Variants in PRKD3 observed in about 807,000 individuals in gnomAD.
PRKD3 encodes the protein serine/threonine-protein kinase D3.
Under a neutral mutation model 99.2 loss-of-function variants are expected in PRKD3, and 47 were observed. The observed-to-expected ratio is 0.47, with a 90% CI of 0.38 to 0.60. The LOEUF (loss-of-function observed/expected upper bound fraction) is 0.60. PRKD3 is among the 20% of genes least tolerant of loss of function. The probability of loss-of-function intolerance (pLI) is 0.00; values close to 1 mark genes in which losing one functional copy is unlikely to be tolerated. For missense variants in PRKD3, 1,019 were observed against 1,088.4 expected (o/e 0.94, Z 0.90); for synonymous variants, 392 against 355.4 (o/e 1.10, Z -1.16).
chr2:37,291,023 A>G, intron 3 of PRKD3, 24 bp from the exon 4 acceptor site: 1 of 1,583,492 alleles, frequency 6.3e-7, no homozygotes. Context: ...AAGTATTACA[A>G]TACACGTTGT....
At chr2:37,257,209 T>G (rs1668021648) in intron 16 of PRKD3, among the ~76,000 whole-genome samples, 1 of 152,180 alleles carries the variant, frequency 6.6e-6, no homozygotes, top group Non-Finnish European at 1.5e-5. Flanking sequence ...GTGTTATAAG[T>G]GTTCTGATTT....
chr2:37,319,156 TA>T (rs1269342963), intron 1 of PRKD3, among the ~76,000 whole-genome samples: 1 of 152,184 alleles, frequency 6.6e-6, no homozygotes, highest in African/African-American at 2.4e-5. Flanking sequence ...GTTTAGAGAT[TA>T]AAGTACTTGC....
At chr2:37,291,531 G>C (rs2124841012) in intron 3 of PRKD3, among the ~76,000 whole-genome samples, 1 of 152,280 alleles carries the variant, frequency 6.6e-6, no homozygotes, top group African/African-American at 2.4e-5. Flanking sequence ...ACCTCAACCT[G>C]CAAGTAGTCT....
chr2:37,288,998 G>A (rs894636728), intron 5 of PRKD3, among the ~76,000 whole-genome samples: 3 of 151,538 alleles, frequency 2.0e-5, no homozygotes, highest in Non-Finnish European at 4.4e-5. Flanking sequence ...AGGTTGCAGT[G>A]AGCAGAGACC....
intron 1 of PRKD3, among the ~76,000 whole-genome samples, chr2:37,322,452 C>T (rs777420107): frequency 3.3e-5 from 5 of 152,032 alleles, no homozygotes; most frequent in Non-Finnish European, 7.4e-5. Flanking sequence ...AGTCCTTCCA[C>T]TGTCAGAGAG....
chr2:37,256,961 TTA>T (rs1668001312), intron 16 of PRKD3, 32 bp from the exon 17 acceptor site: 1 of 1,610,578 alleles, frequency 6.2e-7, no homozygotes, highest in Non-Finnish European at 8.5e-7. Context: ...TAATTTTGTA[TTA>T]TAGTGTTATA....
At chr2:37,321,906 C>T (rs114222765) in intron 1 of PRKD3, among the ~76,000 whole-genome samples, 255 of 152,274 alleles carry the variant, frequency 1.7e-3, no homozygotes, top group African/African-American at 6.0e-3. Flanking sequence ...AAAAGAAGTT[C>T]ATTATTTAGT....
In PRKD3 at chr2:37,256,802, T is replaced by C; in HGVS notation, c.2273A>G (p.Asp758Gly). 1.2e-6 allele frequency: 2 copies of C among 1,613,954 alleles called. No homozygotes were observed. Among genetic ancestry groups the C allele is most frequent in the Non-Finnish European group, 1.7e-6 (2 of 1,180,006 alleles). The change falls in exon 17 of 19, where the codon GAT becomes GGT. Residue 758 changes from aspartate (D) to glycine (G), a missense_variant. Coordinates refer to ENST00000234179, the MANE Select transcript of PRKD3 (RefSeq NM_005813.6). Reference sequence around the variant, plus strand: ...GATGATAACTCCCACTGACCACATATCTAGGGAACGGTTGTAACCTTTGCT... The same window carrying C: ...GATGATAACTCCCACTGACCACATACCTAGGGAACGGTTGTAACCTTTGCT... Reference protein sequence around the residue: ...LRSKGYNRSLDMWSVGVIIYV... With the variant: ...LRSKGYNRSLGMWSVGVIIYV...
chr2:37,285,853 T>A (rs1670068330), intron 6 of PRKD3, among the ~76,000 whole-genome samples: 1 of 152,172 alleles, frequency 6.6e-6, no homozygotes, highest in Non-Finnish European at 1.5e-5. Context: ...AGTACTCCTA[T>A]TACTATTAGT....
intron 2 of PRKD3, among the ~76,000 whole-genome samples, chr2:37,296,817 G>A (rs1158029970): frequency 1.3e-5 from 2 of 149,602 alleles, no homozygotes; most frequent in African/African-American, 4.9e-5. Flanking sequence ...GGAGAACGGC[G>A]TGAACCCGGG....
chr2:37,268,467 C>G (rs1243343392), intron 13 of PRKD3: 3 of 396,886 alleles, frequency 7.6e-6, no homozygotes, highest in Non-Finnish European at 1.5e-5. Context: ...GCTAGGAATA[C>G]AAAGAAGATC....
intron 9 of PRKD3, among the ~76,000 whole-genome samples, chr2:37,276,426 G>T (rs1222372514): frequency 6.6e-6 from 1 of 152,082 alleles, no homozygotes; most frequent in Non-Finnish European, 1.5e-5. Flanking sequence ...TATTATAAAT[G>T]AAATCAAGTT....
intron 2 of PRKD3, among the ~76,000 whole-genome samples, chr2:37,308,369 T>A (rs961571643): frequency 9.2e-5 from 14 of 152,230 alleles, no homozygotes; most frequent in African/African-American, 3.4e-4. Context: ...TTCCATTATA[T>A]GTAAATTTTC....
chr2:37,281,582 C>G (rs527404896), intron 7 of PRKD3, among the ~76,000 whole-genome samples: 3 of 152,004 alleles, frequency 2.0e-5, no homozygotes, highest in African/African-American at 7.3e-5. Flanking sequence ...GGAAACGGAC[C>G]CCCCTCACCA....
intron 9 of PRKD3, among the ~76,000 whole-genome samples, chr2:37,276,129 T>C (rs1422515500): frequency 1.3e-5 from 2 of 152,054 alleles, no homozygotes; most frequent in African/African-American, 4.8e-5. Context: ...TACATATATA[T>C]ATATGACACA....
intron 7 of PRKD3, 102 bp from the exon 8 acceptor site, chr2:37,280,031 T>C (rs1437088712): frequency 2.6e-6 from 2 of 760,676 alleles, no homozygotes; most frequent in Admixed American, 3.3e-5. Flanking sequence ...AAAATATCTT[T>C]ATGAGTTAAG....
At chr2:37,287,304 C>T (rs1039188601) in intron 5 of PRKD3, among the ~76,000 whole-genome samples, 17 of 144,136 alleles carry the variant, frequency 1.2e-4, no homozygotes, top group Non-Finnish European at 2.1e-4. Flanking sequence ...CCTGCCTACA[C>T]TATCAATCTG....
chr2:37,272,682 C>G (rs1669344338), intron 11 of PRKD3, among the ~76,000 whole-genome samples: 1 of 152,086 alleles, frequency 6.6e-6, no homozygotes, highest in South Asian at 2.1e-4. Flanking sequence ...ATCAGAAAGT[C>G]AGAAAGCTAG....
At chr2:37,317,268 T>A in intron 1 of PRKD3, 89 bp from the exon 2 acceptor site, 1 of 603,918 alleles carries the variant, frequency 1.7e-6, no homozygotes, top group South Asian at 7.3e-5. Context: ...TAAATGACAA[T>A]TTTTGGTCAT....
Sources: allele counts gnomAD v4.1 joint callset (sites outside exome capture counted in the v4.1 genomes callset), GRCh38; gene constraint gnomAD v4.1.1; transcripts MANE v1.5; gene names NCBI Gene and HGNC (gene_info 2026-07-23, HGNC 2026-07-21).